The following LYPD6B variants were observed in gnomAD, a reference collection of about 807,000 sequenced individuals.
The protein encoded by LYPD6B is ly6/PLAUR domain-containing protein 6B.
LYPD6B carries 17 observed loss-of-function variants against 22.8 expected under a neutral mutation model. The ratio of observed to expected loss-of-function variants is 0.75; its 90% CI spans 0.51 to 1.12. The LOEUF is 1.12. LYPD6B is among the 50% of genes most tolerant of loss of function. LYPD6B has a pLI of 0.00. For missense variants in LYPD6B, 221 were observed against 258.3 expected (o/e 0.86, Z 0.99); for synonymous variants, 106 against 91.6 (o/e 1.16, Z -0.90).
At chr2:149,050,237 T>A (rs888041800) in intron 1 of LYPD6B, among the ~76,000 whole-genome samples, 1 of 152,076 alleles carries the variant, frequency 6.6e-6, no homozygotes, top group African/African-American at 2.4e-5. Flanking sequence ...TCACCGATAG[T>A]TACTGGCCTA....
At chr2:149,121,293 A>T (rs1011518873) in intron 1 of LYPD6B, among the ~76,000 whole-genome samples, 2 of 152,118 alleles carry the variant, frequency 1.3e-5, no homozygotes, top group Non-Finnish European at 2.9e-5. Context: ...TCAAGAGTGG[A>T]TTTAGAGGGT....
chr2:149,204,637 T>G (rs1056565932), intron 3 of LYPD6B: 1 of 154,388 alleles, frequency 6.5e-6, no homozygotes, highest in Non-Finnish European at 1.5e-5. Flanking sequence ...GTGCCCAGGG[T>G]GACAGAAACA....
chr2:149,111,545 A>G (rs1037054690), intron 1 of LYPD6B, among the ~76,000 whole-genome samples: 1 of 152,136 alleles, frequency 6.6e-6, no homozygotes, highest in Non-Finnish European at 1.5e-5. Context: ...TTCATCTGAC[A>G]TTTACTGGGA....
chr2:149,109,845 G>A (rs1481716069), intron 1 of LYPD6B, among the ~76,000 whole-genome samples: 1 of 151,754 alleles, frequency 6.6e-6, no homozygotes, highest in Non-Finnish European at 1.5e-5. Flanking sequence ...CTGAGTAGCT[G>A]GGATTACAGC....
At chr2:149,124,052 TC>T (rs1687543134) in intron 1 of LYPD6B, among the ~76,000 whole-genome samples, 1 of 152,206 alleles carries the variant, frequency 6.6e-6, no homozygotes, top group Non-Finnish European at 1.5e-5. Context: ...TCCTGTGGAA[TC>T]CAAGGGCCAT....
chr2:149,142,719 G>T (rs940706487), intron 2 of LYPD6B, among the ~76,000 whole-genome samples: 2 of 152,064 alleles, frequency 1.3e-5, no homozygotes, highest in African/African-American at 4.8e-5. Flanking sequence ...GCCCAGGCTG[G>T]CCTTGAACTC....
intron 1 of LYPD6B, among the ~76,000 whole-genome samples, chr2:149,086,194 G>C (rs183579117): frequency 6.6e-6 from 1 of 152,294 alleles, no homozygotes; most frequent in Admixed American, 6.5e-5. Context: ...GTGCATTCAT[G>C]CCAGTGTAAA....
At chr2:149,129,363 G>C (rs913464007) in intron 1 of LYPD6B, among the ~76,000 whole-genome samples, 6 of 152,210 alleles carry the variant, frequency 3.9e-5, no homozygotes, top group South Asian at 2.1e-4. Context: ...TGTTTCTTGA[G>C]AGTGTGGCCT....
intron 1 of LYPD6B, among the ~76,000 whole-genome samples, chr2:149,128,065 A>G (rs1268336158): frequency 1.3e-5 from 2 of 152,198 alleles, no homozygotes; most frequent in Non-Finnish European, 2.9e-5. Flanking sequence ...AGATGTTTTC[A>G]GCTAACATAT....
chr2:149,212,959 T>C, intron 5 of LYPD6B, 33 bp from the exon 6 acceptor site: 1 of 1,604,518 alleles, frequency 6.2e-7, no homozygotes, highest in Non-Finnish European at 8.5e-7. Context: ...TTACCTTGTT[T>C]CTTGGTTTTG....
intron 1 of LYPD6B, chr2:149,068,673 T>TA: frequency 1.8e-6 from 1 of 550,010 alleles, no homozygotes; most frequent in Non-Finnish European, 3.6e-6. Context: ...TGTCCCTTCT[T>TA]AAAAAACTAG....
At chr2:149,135,826 A>C (rs1219388726) in intron 2 of LYPD6B, among the ~76,000 whole-genome samples, 1 of 151,578 alleles carries the variant, frequency 6.6e-6, no homozygotes, top group Non-Finnish European at 1.5e-5. Flanking sequence ...GAAGTCAATG[A>C]GAGATACTTT....
chr2:149,088,750 A>G (rs1685512229), intron 1 of LYPD6B, among the ~76,000 whole-genome samples: 1 of 152,228 alleles, frequency 6.6e-6, no homozygotes, highest in South Asian at 2.1e-4. Context: ...TGCAATGACT[A>G]AACAAAACGT....
chr2:149,198,407 C>G (rs1255128748), intron 3 of LYPD6B, among the ~76,000 whole-genome samples: 3 of 152,072 alleles, frequency 2.0e-5, no homozygotes, highest in Admixed American at 2.0e-4. Context: ...AAAGCCTTCT[C>G]CAGAAAGGTA....
At chr2:149,104,256 G>A (rs144094902) in intron 1 of LYPD6B, among the ~76,000 whole-genome samples, 1 of 152,130 alleles carries the variant, frequency 6.6e-6, no homozygotes, top group African/African-American at 2.4e-5. Context: ...TTTCTTTTCT[G>A]TTGGGTAAAC....
rs193038912 is a variant in LYPD6B, at chr2:149,189,117, A to G, written c.78-16136A>G. Among the ~76,000 whole-genome samples the G allele has an allele frequency of 1.1e-4, 17 of 151,780 alleles. No homozygotes were observed. In the East Asian group the frequency reaches 3.3e-3, roughly 30 times the overall value. Reference sequence around the variant, plus strand: ...GAGTGGATGGTAGCCCCCTCTTCCTATGAAGACTTCATGCCAGGGGCTAAA... The same window carrying G: ...GAGTGGATGGTAGCCCCCTCTTCCTGTGAAGACTTCATGCCAGGGGCTAAA... On this transcript the variant is annotated intron_variant, in intron 3 of 6. Coordinates refer to ENST00000409642, the MANE Select transcript of LYPD6B (RefSeq NM_177964.5).
At chr2:149,109,087 A>G (rs1686634067) in intron 1 of LYPD6B, among the ~76,000 whole-genome samples, 3 of 152,204 alleles carry the variant, frequency 2.0e-5, no homozygotes, top group Admixed American at 2.0e-4. Context: ...AGAGTTAAAT[A>G]ATAAGAAAAA....
intron 1 of LYPD6B, among the ~76,000 whole-genome samples, chr2:149,041,060 A>T (rs12617628): frequency 0.91 from 136,064 of 149,758 alleles, 63,300 homozygotes; most frequent in East Asian, 1. Flanking sequence ...TGAATTGAAA[A>T]TGAGCTCCAG....
chr2:149,180,579 CT>C (rs1272595076), intron 3 of LYPD6B, among the ~76,000 whole-genome samples: 1 of 152,214 alleles, frequency 6.6e-6, no homozygotes, highest in Non-Finnish European at 1.5e-5. Context: ...GAAGTATTAA[CT>C]AGACCCTCTT....
Sources: gnomAD v4.1 joint callset for allele counts (sites outside exome capture counted in the v4.1 genomes callset) on GRCh38, gnomAD v4.1.1 for gene constraint, MANE v1.5 for transcripts, NCBI Gene and HGNC (gene_info 2026-07-23, HGNC 2026-07-21) for gene names.